PLAC1: variants seen among roughly 807,000 people sequenced by gnomAD.
The protein encoded by PLAC1 is placenta associated 1, also known as placenta-specific protein 1.
For missense variants in PLAC1, 136 were observed against 163.2 expected, an observed-to-expected ratio of 0.83 and a Z score of 0.91; for synonymous variants, 68 against 62.1, an observed-to-expected ratio of 1.09 and a Z score of -0.44.
chrX:134,648,170 G>T (rs1231383865), intron 1 of PLAC1, among the ~76,000 whole-genome samples: 1 of 111,009 alleles, frequency 9.0e-6, no homozygotes, highest in African/African-American at 3.3e-5. Context: ...ACGCCTGGGA[G>T]GAATATCACC....
intron 2 of PLAC1, among the ~76,000 whole-genome samples, chrX:134,675,755 C>T (rs1239259580): frequency 9.0e-6 from 1 of 111,380 alleles, no homozygotes; most frequent in Non-Finnish European, 1.9e-5. Flanking sequence ...ATGGTGTGGG[C>T]AACCAATACA....
At chrX:134,727,967 A>T (rs2078679036) in intron 2 of PLAC1, among the ~76,000 whole-genome samples, 1 of 112,625 alleles carries the variant, frequency 8.9e-6, no homozygotes, top group African/African-American at 3.2e-5. Context: ...AACCAAATAG[A>T]AATTTTTGAA....
chrX:134,586,881 G>C (rs1482098309), intron 2 of PLAC1, among the ~76,000 whole-genome samples: 2 of 105,178 alleles, frequency 1.9e-5, no homozygotes, highest in East Asian at 5.9e-4. Context: ...GTGTTTGGTA[G>C]AGATGGGGTT....
intron 2 of PLAC1, among the ~76,000 whole-genome samples, chrX:134,594,581 C>A (rs1045243986): frequency 9.0e-6 from 1 of 111,258 alleles, no homozygotes; most frequent in Non-Finnish European, 1.9e-5. Context: ...TATGGAGCTA[C>A]TACCTGTATT....
At chrX:134,589,426 G>A (rs771977885) in intron 2 of PLAC1, among the ~76,000 whole-genome samples, 1 of 110,945 alleles carries the variant, frequency 9.0e-6, no homozygotes, top group East Asian at 2.8e-4. Flanking sequence ...TCAGGGCTTG[G>A]GATTCTGTAC....
chrX:134,625,626 G>T (rs1359423992), intron 1 of PLAC1, among the ~76,000 whole-genome samples: 1 of 111,824 alleles, frequency 8.9e-6, no homozygotes, highest in African/African-American at 3.3e-5. Context: ...GTCACTGGGG[G>T]CTCCTTGGGC....
intron 2 of PLAC1, among the ~76,000 whole-genome samples, chrX:134,712,203 C>G (rs1221556278): frequency 4.5e-5 from 5 of 111,006 alleles, no homozygotes; most frequent in African/African-American, 1.6e-4. Context: ...TCTAGAAATC[C>G]ATTTTATATT....
intron 1 of PLAC1, among the ~76,000 whole-genome samples, chrX:134,655,605 T>C (rs1205372784): frequency 1.8e-5 from 2 of 112,283 alleles, no homozygotes; most frequent in African/African-American, 6.5e-5. Flanking sequence ...GTATTGCATC[T>C]ACTTATGTCC....
At chrX:134,629,652 T>C (rs1229491087) in intron 1 of PLAC1, among the ~76,000 whole-genome samples, 1 of 112,030 alleles carries the variant, frequency 8.9e-6, no homozygotes, top group East Asian at 2.8e-4. Flanking sequence ...TTGTGATTTC[T>C]TGTACATGTG....
At chrX:134,614,665 C>T (rs982396223) in intron 1 of PLAC1, among the ~76,000 whole-genome samples, 1 of 111,103 alleles carries the variant, frequency 9.0e-6, no homozygotes, top group Admixed American at 9.6e-5. Context: ...GATAGAGTCT[C>T]ACTTTGTTGC....
chrX:134,758,877 T>C lies in PLAC1; in HGVS notation n.89+5357A>G, dbSNP rs183518817. 3.5e-3 allele frequency among the ~76,000 whole-genome samples: 392 copies of C among 111,934 alleles called. 1 individual carries two copies. The highest frequency in any genetic ancestry group is 6.5e-3 in the Non-Finnish European group (344 of 53,194). ...TGAGAAAATATTTGTAAACTATTCA[T>C]CTAATGGGGACTTAATATCCAGAAT... On this transcript the variant is annotated intron_variant and non_coding_transcript_variant, in intron 1 of 2. Transcript: ENST00000466797.
intron 1 of PLAC1, among the ~76,000 whole-genome samples, chrX:134,634,293 G>T (rs922703413): frequency 8.9e-6 from 1 of 112,261 alleles, no homozygotes; most frequent in Non-Finnish European, 1.9e-5. Flanking sequence ...AGGAGTGCAA[G>T]CCTAACTGGG....
At chrX:134,613,255 C>A (rs747038152) in intron 1 of PLAC1, among the ~76,000 whole-genome samples, 1 of 111,411 alleles carries the variant, frequency 9.0e-6, no homozygotes, top group East Asian at 2.8e-4. Flanking sequence ...TTGTACCTTT[C>A]ATGCTAAAAT....
At chrX:134,742,575 G>A (rs1000217680) in intron 1 of PLAC1, among the ~76,000 whole-genome samples, 1 of 109,200 alleles carries the variant, frequency 9.2e-6, no homozygotes, top group African/African-American at 3.4e-5. Context: ...GCGACAGAGC[G>A]AGACTCTGTT....
intron 1 of PLAC1, among the ~76,000 whole-genome samples, chrX:134,640,637 A>G (rs1385410025): frequency 1.8e-5 from 2 of 111,912 alleles, no homozygotes; most frequent in Non-Finnish European, 3.8e-5. Context: ...GTACATATTC[A>G]AGTCAAGGTG....
chrX:134,574,584 G>A (rs977404354), intron 2 of PLAC1, among the ~76,000 whole-genome samples: 2 of 111,721 alleles, frequency 1.8e-5, no homozygotes, highest in Non-Finnish European at 3.8e-5. Flanking sequence ...CCCATCCAAC[G>A]GTACCCAATG....
At chrX:134,586,838 T>TA (rs1400424744) in intron 2 of PLAC1, among the ~76,000 whole-genome samples, 1 of 79,641 alleles carries the variant, frequency 1.3e-5, no homozygotes, top group Non-Finnish European at 2.4e-5. Flanking sequence ...GCCCAGCTAA[T>TA]TTGTGTGTGT....
intron 1 of PLAC1, among the ~76,000 whole-genome samples, chrX:134,621,457 AAAAAAAAAAAAAAAAAG>A (rs1199949970): frequency 1.0e-4 from 11 of 104,783 alleles, no homozygotes; most frequent in Non-Finnish European, 1.9e-4. Context: ...AAAAAAAAAA[AAAAAAAAAAAAAAAAAG>A]AAAAGAAAAT....
intron 2 of PLAC1, among the ~76,000 whole-genome samples, chrX:134,694,189 C>A (rs2078554550): frequency 9.0e-6 from 1 of 111,234 alleles, no homozygotes; most frequent in Non-Finnish European, 1.9e-5. Context: ...TTCTTTGTAT[C>A]CCTGCCCCTA....
Sources: gnomAD v4.1 joint callset for allele counts (sites outside exome capture counted in the v4.1 genomes callset) on GRCh38, gnomAD v4.1.1 for gene constraint, MANE v1.5 for transcripts, NCBI Gene and HGNC (gene_info 2026-07-23, HGNC 2026-07-21) for gene names.